EPN2: variants seen among roughly 807,000 people sequenced by gnomAD.
EPN2 encodes the protein epsin-2.
EPN2 carries 34 observed loss-of-function variants against 61.7 expected under a neutral mutation model. The ratio of observed to expected loss-of-function variants is 0.55; its 90% CI spans 0.42 to 0.73. The LOEUF (loss-of-function observed/expected upper bound fraction) is 0.73, where lower values mean the gene tolerates loss of function less well. Among genes scored for constraint, EPN2 ranks in the 30% least tolerant of loss-of-function variants. The pLI is 0.00. For missense variants in EPN2, 714 were observed against 839.2 expected (o/e 0.85, Z 1.84); for synonymous variants, 349 against 353.6 (o/e 0.99, Z 0.15).
intron 4 of EPN2, among the ~76,000 whole-genome samples, chr17:19,292,470 G>A (rs978061069): frequency 2.0e-5 from 3 of 152,228 alleles, no homozygotes; most frequent in Non-Finnish European, 4.4e-5. Context: ...ATCTTCGGCT[G>A]GCAGTCAGTC....
intron 4 of EPN2, chr17:19,308,674 TAA>T: frequency 2.0e-6 from 2 of 985,388 alleles, no homozygotes; most frequent in South Asian, 9.4e-5. Context: ...AGGAACCATC[TAA>T]AGCAGTAGCT....
At chr17:19,329,430 C>T in intron 8 of EPN2, 131 bp from the exon 9 acceptor site, 3 of 624,304 alleles carry the variant, frequency 4.8e-6, no homozygotes, top group Middle Eastern at 3.1e-4. Context: ...TCTCAGAATT[C>T]TCCTCCATGA....
chr17:19,306,963 GATTT>G (rs1905875506), intron 4 of EPN2, among the ~76,000 whole-genome samples: 1 of 152,150 alleles, frequency 6.6e-6, no homozygotes, highest in South Asian at 2.1e-4. Flanking sequence ...AGTGGTTAAT[GATTT>G]GGGTGTGAGT....
chr17:19,320,603 A>C (rs1373975235), intron 7 of EPN2, among the ~76,000 whole-genome samples: 2 of 152,234 alleles, frequency 1.3e-5, no homozygotes. Flanking sequence ...GGACAGCATC[A>C]GTATTTTACT....
chr17:19,263,150 C>T (rs2045160957), intron 1 of EPN2, among the ~76,000 whole-genome samples: 1 of 152,218 alleles, frequency 6.6e-6, no homozygotes, highest in African/African-American at 2.4e-5. Flanking sequence ...TGGCACCTGC[C>T]TTTTACTGTT....
At chr17:19,300,412 C>CAATAAATA (rs1289092925) in intron 4 of EPN2, among the ~76,000 whole-genome samples, 28 of 137,780 alleles carry the variant, frequency 2.0e-4, no homozygotes, top group African/African-American at 7.5e-4. Flanking sequence ...TACATAAAAA[C>CAATAAATA]AATAAACTGT....
intron 4 of EPN2, among the ~76,000 whole-genome samples, chr17:19,298,383 A>G (rs1307222133): frequency 6.6e-6 from 1 of 151,926 alleles, no homozygotes; most frequent in Non-Finnish European, 1.5e-5. Flanking sequence ...TTTAGTAGAG[A>G]TGGGGTTTTG....
chr17:19,270,976 C>G (rs758780596), intron 1 of EPN2, among the ~76,000 whole-genome samples: 2 of 152,206 alleles, frequency 1.3e-5, no homozygotes, highest in Non-Finnish European at 2.9e-5. Flanking sequence ...GAAAGGGAAA[C>G]AGGAACTGGG....
At chr17:19,293,669 AG>A (rs1247977432) in intron 4 of EPN2, among the ~76,000 whole-genome samples, 1 of 151,208 alleles carries the variant, frequency 6.6e-6, no homozygotes, top group African/African-American at 2.4e-5. Flanking sequence ...TTGAGATTAC[AG>A]GCATGCAGGC....
intron 7 of EPN2, among the ~76,000 whole-genome samples, chr17:19,320,978 G>A (rs1445914324): frequency 6.6e-6 from 1 of 152,210 alleles, no homozygotes; most frequent in Non-Finnish European, 1.5e-5. Context: ...GGGATGGGCA[G>A]CAAAGCAGAC....
At chr17:19,250,593 C>A (rs956523824) in intron 1 of EPN2, among the ~76,000 whole-genome samples, 12 of 152,158 alleles carry the variant, frequency 7.9e-5, no homozygotes, top group African/African-American at 2.9e-4. Flanking sequence ...ACTTGGCAGC[C>A]TGGGGCCTGT....
intron 1 of EPN2, among the ~76,000 whole-genome samples, chr17:19,237,802 C>T (rs2044832680): frequency 6.6e-6 from 1 of 152,132 alleles, no homozygotes; most frequent in Admixed American, 6.5e-5. Flanking sequence ...CTTACCCGTC[C>T]CTATCACCGA....
rs747154164 is a variant in EPN2 at position 19,283,781 on chromosome 17, G to A, written c.595+67G>A. 143 of 1,259,466 alleles carry A rather than the reference G, an allele frequency of 1.1e-4. No homozygotes were observed. The highest frequency in any genetic ancestry group is 1.5e-4 in the Non-Finnish European group (140 of 928,544). 78.0% of individuals were successfully genotyped at this position (1,259,466 alleles called of 1,614,324 possible). ...GCAATGGGTGACAGGCAGGGTGGGT[G>A]TCTCTGGGCTTAGGGAGTGGTGGCC... On this transcript the variant is annotated intron_variant, in intron 3 of 10. Coordinates refer to ENST00000314728, the MANE Select transcript of EPN2 (RefSeq NM_014964.5). This position sits in a 1 kb window ranked among gnomAD's most constrained non-coding sequence, Gnocchi z 7.0.
chr17:19,265,294 C>G (rs951691191), intron 1 of EPN2, among the ~76,000 whole-genome samples: 10 of 151,210 alleles, frequency 6.6e-5, no homozygotes, highest in African/African-American at 2.4e-4. Flanking sequence ...AAGAGAATCA[C>G]TTGTGCCTGG....
chr17:19,294,669 A>G (rs139448021), intron 4 of EPN2, among the ~76,000 whole-genome samples: 11 of 152,320 alleles, frequency 7.2e-5, no homozygotes, highest in Non-Finnish European at 1.6e-4. Flanking sequence ...CCTCATTTTG[A>G]CAGTTGCCTT....
At chr17:19,289,724 G>GTTTTGTTTTGTTTTT in intron 4 of EPN2, among the ~76,000 whole-genome samples, 1 of 78,048 alleles carries the variant, frequency 1.3e-5, no homozygotes, top group East Asian at 5.8e-4. Context: ...GGCGCTCATG[G>GTTTTGTTTTGTTTTT]TTTTTTTTTT....
At chr17:19,270,437 C>T (rs1041510823) in intron 1 of EPN2, among the ~76,000 whole-genome samples, 3 of 152,166 alleles carry the variant, frequency 2.0e-5, no homozygotes, top group Non-Finnish European at 4.4e-5. Context: ...GTAGGTGATT[C>T]CCACCCAGTG....
intron 1 of EPN2, among the ~76,000 whole-genome samples, chr17:19,266,912 C>T (rs1046948356): frequency 7.4e-5 from 11 of 148,564 alleles, no homozygotes; most frequent in African/African-American, 1.5e-4. Context: ...ACCTGCCGGG[C>T]ACGGTGGCTC....
At chr17:19,324,799 AAAG>A (rs1292349512) in intron 7 of EPN2, among the ~76,000 whole-genome samples, 4 of 152,252 alleles carry the variant, frequency 2.6e-5, no homozygotes, top group Non-Finnish European at 4.4e-5. Context: ...AAATTAATGA[AAAG>A]AACATAAACA....
Sources: allele counts gnomAD v4.1 joint callset (sites outside exome capture counted in the v4.1 genomes callset), GRCh38; gene constraint gnomAD v4.1.1; non-coding constraint Gnocchi (gnomAD v3.1); transcripts MANE v1.5; gene names NCBI Gene and HGNC (gene_info 2026-07-23, HGNC 2026-07-21).